Variants in OR9Q1 observed in about 807,000 individuals in gnomAD.
The protein encoded by OR9Q1 is olfactory receptor 9Q1.
For synonymous variants in OR9Q1, 153 were observed against 148.6 expected (o/e 1.03, Z -0.22); for missense variants, 374 against 378.8 (o/e 0.99, Z 0.11).
intron 2 of OR9Q1, among the ~76,000 whole-genome samples, chr11:58,131,249 C>G (rs1854138169): frequency 6.6e-6 from 1 of 152,060 alleles, no homozygotes; most frequent in Non-Finnish European, 1.5e-5. Flanking sequence ...GGGTGGGGAG[C>G]TGGCCTGTGT....
intron 1 of OR9Q1, among the ~76,000 whole-genome samples, chr11:58,036,052 T>G (rs1396426932): frequency 2.0e-5 from 3 of 152,128 alleles, no homozygotes; most frequent in African/African-American, 7.2e-5. Context: ...GTGTCACATT[T>G]TAGTAATTCT....
At chr11:58,127,204 C>T (rs750503289) in intron 2 of OR9Q1, among the ~76,000 whole-genome samples, 9 of 152,164 alleles carry the variant, frequency 5.9e-5, no homozygotes, top group Non-Finnish European at 7.3e-5. Flanking sequence ...CCCGCCTCGG[C>T]CTCCAGAAGT....
intron 1 of OR9Q1, chr11:58,030,925 T>G: frequency 7.1e-7 from 1 of 1,402,844 alleles, no homozygotes; most frequent in Non-Finnish European, 1.0e-6. Context: ...TATGAGGCTA[T>G]GAGTTTGCTG....
At chr11:58,084,904 C>A (rs1590579754) in intron 2 of OR9Q1, among the ~76,000 whole-genome samples, 1 of 151,842 alleles carries the variant, frequency 6.6e-6, no homozygotes, top group East Asian at 1.9e-4. Context: ...CCCACTGTCA[C>A]CATTCCTATT....
At chr11:58,037,692 T>A (rs1565056520) in intron 1 of OR9Q1, among the ~76,000 whole-genome samples, 9 of 5,830 alleles carry the variant, frequency 1.5e-3, no homozygotes, top group Admixed American at 2.7e-3. Flanking sequence ...TATATATATT[T>A]TTTTTTTTTT....
chr11:58,047,360 A>G (rs1224551852), intron 1 of OR9Q1: 1 of 152,208 alleles, frequency 6.6e-6, no homozygotes, highest in Non-Finnish European at 1.5e-5. Flanking sequence ...GCTGTCATCC[A>G]ACAGAAGCTC....
intron 2 of OR9Q1, among the ~76,000 whole-genome samples, chr11:58,075,016 G>C (rs1414228636): frequency 6.6e-6 from 1 of 152,154 alleles, no homozygotes. Flanking sequence ...TAGCCTTGTA[G>C]TATAGTTTGA....
intron 2 of OR9Q1, among the ~76,000 whole-genome samples, chr11:58,062,067 A>G (rs1022171298): frequency 1.3e-5 from 2 of 152,210 alleles, no homozygotes; most frequent in Non-Finnish European, 1.5e-5. Flanking sequence ...AGGCTTCCCA[A>G]AATCATTGCC....
intron 2 of OR9Q1, among the ~76,000 whole-genome samples, chr11:58,161,631 CCTT>C (rs1854458747): frequency 6.6e-6 from 1 of 151,844 alleles, no homozygotes; most frequent in Non-Finnish European, 1.5e-5. Flanking sequence ...GCAACCTCTG[CCTT>C]CTGGGCTTAA....
chr11:58,055,522 G>C (rs1035929015), intron 1 of OR9Q1, among the ~76,000 whole-genome samples: 1 of 152,170 alleles, frequency 6.6e-6, no homozygotes, highest in Non-Finnish European at 1.5e-5. Context: ...GAGGAGGCTG[G>C]ATGTGGTGGC....
chr11:58,038,490 G>A (rs1407487774), intron 1 of OR9Q1, among the ~76,000 whole-genome samples: 1 of 152,158 alleles, frequency 6.6e-6, no homozygotes, highest in Non-Finnish European at 1.5e-5. Flanking sequence ...AATGTCACAG[G>A]GAGTAATTCT....
intron 2 of OR9Q1, among the ~76,000 whole-genome samples, chr11:58,093,312 TCAA>T (rs1290014530): frequency 1.3e-5 from 2 of 151,930 alleles, no homozygotes; most frequent in African/African-American, 2.4e-5. Flanking sequence ...CTCAAACAGC[TCAA>T]CAACAACAAA....
At chr11:58,162,802 T>A (rs992434381) in intron 2 of OR9Q1, among the ~76,000 whole-genome samples, 1 of 152,192 alleles carries the variant, frequency 6.6e-6, no homozygotes, top group Non-Finnish European at 1.5e-5. Context: ...ACCCCATGTC[T>A]TTGTTACTGT....
At chr11:58,162,730 T>C (rs1854467656) in intron 2 of OR9Q1, among the ~76,000 whole-genome samples, 1 of 152,228 alleles carries the variant, frequency 6.6e-6, no homozygotes, top group Non-Finnish European at 1.5e-5. Context: ...GAGAGACTAA[T>C]GACATCTCTG....
Position 58,119,054 on chromosome 11 carries a change from G to C in OR9Q1, c.-14-60377G>C, listed in dbSNP as rs780446920. 7 of 1,614,012 alleles carry C rather than the reference G, an allele frequency of 4.3e-6. No homozygotes were observed. In the Middle Eastern group the frequency reaches 8.3e-4, roughly 190 times the overall value. ...CTGGGATTCATGGCCACGGTATAGA[G>C]CAGTGGGTTGCGAATGGCAGCATAG... On this transcript the variant is annotated intron_variant, in intron 2 of 2. Coordinates refer to ENST00000335397, the MANE Select transcript of OR9Q1 (RefSeq NM_001005212.4).
At chr11:58,041,568 C>T (rs2839749) in intron 1 of OR9Q1, 39,945 of 152,360 alleles carry the variant, frequency 0.26, 5,783 homozygotes, top group East Asian at 0.6. Context: ...AGACAGCCAA[C>T]GCTGTGTCAA....
chr11:58,107,022 A>G (rs1853846974), intron 2 of OR9Q1, among the ~76,000 whole-genome samples: 1 of 152,142 alleles, frequency 6.6e-6, no homozygotes, highest in Non-Finnish European at 1.5e-5. Flanking sequence ...TGGGATTTTG[A>G]TGGGAATAGC....
At chr11:58,111,884 TGG>T (rs5792082) in intron 2 of OR9Q1, among the ~76,000 whole-genome samples, 1 of 151,874 alleles carries the variant, frequency 6.6e-6, no homozygotes, top group South Asian at 2.1e-4. Flanking sequence ...GAGTCCTTTT[TGG>T]GGGGGGTGGG....
At chr11:58,163,521 A>G (rs1447722619) in intron 2 of OR9Q1, among the ~76,000 whole-genome samples, 1 of 152,244 alleles carries the variant, frequency 6.6e-6, no homozygotes, top group Non-Finnish European at 1.5e-5. Flanking sequence ...ACAATTTCTC[A>G]GCTGCAGAGA....
Sources: allele counts gnomAD v4.1 joint callset (sites outside exome capture counted in the v4.1 genomes callset), GRCh38; gene constraint gnomAD v4.1.1; transcripts MANE v1.5; gene names NCBI Gene and HGNC (gene_info 2026-07-23, HGNC 2026-07-21).